The following ITSN2 variants were observed in gnomAD, a reference collection of about 807,000 sequenced individuals.
ITSN2 encodes intersectin 2.
ITSN2 carries 156 observed loss-of-function variants against 243.7 expected under a neutral mutation model. The observed-to-expected ratio is 0.64, with a 90% CI of 0.56 to 0.73. The LOEUF (loss-of-function observed/expected upper bound fraction) is 0.73. Ranked by LOEUF, ITSN2 falls within the 30% of genes least tolerant of loss-of-function variation. The pLI is 0.00. For missense variants in ITSN2, 1,801 were observed against 1,996.1 expected (o/e 0.90, Z 1.86); for synonymous variants, 703 against 699.9 (o/e 1.00, Z -0.07).
chr2:24,360,135 C>G (rs1298677587), intron 1 of ITSN2, among the ~76,000 whole-genome samples, 169 bp downstream of exon 1: 1 of 152,050 alleles, frequency 6.6e-6, no homozygotes, highest in African/African-American at 2.4e-5. Context: ...CCCGCACGGC[C>G]GAGCCCGCCA....
intron 1 of ITSN2, among the ~76,000 whole-genome samples, chr2:24,357,128 A>G (rs1342180519): frequency 1.3e-5 from 2 of 152,246 alleles, no homozygotes; most frequent in Non-Finnish European, 2.9e-5. Context: ...ATTAATGGGT[A>G]TATACCCAAA....
intron 1 of ITSN2, among the ~76,000 whole-genome samples, chr2:24,341,113 T>G (rs1687007335): frequency 1.3e-5 from 2 of 152,208 alleles, no homozygotes; most frequent in Non-Finnish European, 2.9e-5. Flanking sequence ...CAGATGGGTT[T>G]CTATCTTGGG....
At chr2:24,357,726 C>T (rs1195859578) in intron 1 of ITSN2, among the ~76,000 whole-genome samples, 1 of 151,842 alleles carries the variant, frequency 6.6e-6, no homozygotes, top group Non-Finnish European at 1.5e-5. Flanking sequence ...GAAAATGCAC[C>T]GTTAGATGGT....
intron 23 of ITSN2, among the ~76,000 whole-genome samples, chr2:24,255,304 T>C (rs528901679): frequency 8.5e-5 from 13 of 152,336 alleles, no homozygotes; most frequent in African/African-American, 2.9e-4. Flanking sequence ...CAGCTATATA[T>C]GGTTGTTGTT....
At chr2:24,315,033 G>T (rs539965334) in intron 3 of ITSN2, 99 bp downstream of exon 3, 2 of 500,130 alleles carry the variant, frequency 4.0e-6, no homozygotes, top group South Asian at 4.6e-5. Context: ...GAATTTTATC[G>T]TTTATTAACA....
chr2:24,234,837 A>T (rs1671984021), intron 29 of ITSN2, among the ~76,000 whole-genome samples: 1 of 152,228 alleles, frequency 6.6e-6, no homozygotes, highest in Admixed American at 6.5e-5. Context: ...TGTAACACTG[A>T]CACCACCAAA....
At chr2:24,210,668 G>A (rs1192940695) in intron 34 of ITSN2, 112 bp downstream of exon 34, 1 of 775,972 alleles carries the variant, frequency 1.3e-6, no homozygotes, top group Admixed American at 2.9e-5. Flanking sequence ...GCAGGGTGGT[G>A]AGTCCACGCA....
intron 17 of ITSN2, among the ~76,000 whole-genome samples, chr2:24,282,152 A>G (rs1678866283): frequency 6.6e-6 from 1 of 152,192 alleles, no homozygotes; most frequent in Non-Finnish European, 1.5e-5. Context: ...TCCTGTGCCT[A>G]CAAAAACCCG....
In ITSN2 at chr2:24,261,588, G is replaced by T; in HGVS notation, c.2510C>A (p.Ser837Tyr). Reference protein sequence around the residue: ...PKKALLPPTVSLSATSTSSEP... With the variant: ...PKKALLPPTVYLSATSTSSEP... The stretch of plus-strand genomic sequence containing the variant: ...AGAGGAAGTTGAGGTAGCAGATAAA[G>T]AAACTGTAGGAGGAAGTAAGGCCTT... The change falls in exon 21 of 40, where the codon TCT becomes TAT. Residue 837 changes from serine (S) to tyrosine (Y), a missense_variant. Ser to Tyr is a moderately radical substitution (Grantham distance 144, BLOSUM62 -2). Transcript: ENST00000355123. 2 of 1,612,720 alleles carry T rather than the reference G, an allele frequency of 1.2e-6. No individual in the cohort carries two copies. Among genetic ancestry groups the T allele is most frequent in the South Asian group, 2.2e-5 (2 of 90,838 alleles).
At chr2:24,263,621 T>C (rs1298151365) in intron 20 of ITSN2, among the ~76,000 whole-genome samples, 1 of 152,192 alleles carries the variant, frequency 6.6e-6, no homozygotes, top group African/African-American at 2.4e-5. Context: ...CTGGCCTGTT[T>C]TCTGTCCTAT....
intron 20 of ITSN2, 120 bp downstream of exon 20, chr2:24,270,551 T>A (rs981786041): frequency 1.7e-6 from 1 of 605,242 alleles, no homozygotes; most frequent in Non-Finnish European, 2.9e-6. Flanking sequence ...AATGAGGTAA[T>A]GTTTAAGAAA....
intron 1 of ITSN2, among the ~76,000 whole-genome samples, chr2:24,347,485 G>C (rs773464475): frequency 6.6e-6 from 1 of 152,090 alleles, no homozygotes; most frequent in South Asian, 2.1e-4. Context: ...TCGGGAGTTC[G>C]AGACCAGCCT....
At chr2:24,285,451 T>C (rs766796360) in intron 16 of ITSN2, among the ~76,000 whole-genome samples, 1 of 152,226 alleles carries the variant, frequency 6.6e-6, no homozygotes, top group Non-Finnish European at 1.5e-5. Flanking sequence ...AAAAGCCATA[T>C]GAAGAGAGAG....
At chr2:24,302,195 T>C in intron 9 of ITSN2, 93 bp from the exon 10 acceptor site, 1 of 628,126 alleles carries the variant, frequency 1.6e-6, no homozygotes, top group Non-Finnish European at 2.3e-6. Flanking sequence ...TTTTATTTAT[T>C]TATTTATTTA....
chr2:24,259,381 C>T (rs1172616721), intron 22 of ITSN2, among the ~76,000 whole-genome samples: 2 of 152,182 alleles, frequency 1.3e-5, no homozygotes, highest in Non-Finnish European at 2.9e-5. Context: ...TGTTATTTAG[C>T]TATTGTAATA....
chr2:24,261,997 GAAAA>G (rs1458624067), intron 20 of ITSN2, among the ~76,000 whole-genome samples: 5 of 152,058 alleles, frequency 3.3e-5, no homozygotes, highest in South Asian at 2.1e-4. Flanking sequence ...GCTAATGAGG[GAAAA>G]CAATCCTCCC....
chr2:24,230,264 C>A (rs908657532), intron 29 of ITSN2, among the ~76,000 whole-genome samples: 2 of 152,212 alleles, frequency 1.3e-5, no homozygotes, highest in African/African-American at 4.8e-5. Flanking sequence ...ACTTCACATT[C>A]AATCCACCTG....
intron 23 of ITSN2, among the ~76,000 whole-genome samples, chr2:24,256,664 A>G (rs1038052401): frequency 1.3e-5 from 2 of 152,142 alleles, no homozygotes; most frequent in Non-Finnish European, 2.9e-5. Context: ...TCATTCATTC[A>G]CGCCTCTCTT....
chr2:24,284,294 G>T (rs1247497009), intron 17 of ITSN2, among the ~76,000 whole-genome samples: 1 of 152,116 alleles, frequency 6.6e-6, no homozygotes, highest in African/African-American at 2.4e-5. Context: ...CTGCATTATT[G>T]GTTCTTTAAA....
Sources: gnomAD v4.1 joint callset for allele counts (sites outside exome capture counted in the v4.1 genomes callset) on GRCh38, gnomAD v4.1.1 for gene constraint, MANE v1.5 for transcripts, NCBI Gene and HGNC (gene_info 2026-07-23, HGNC 2026-07-21) for gene names.